MTF2: variants seen among roughly 807,000 people sequenced by gnomAD.
MTF2 encodes the protein metal response element binding transcription factor 2, also known as metal-response element-binding transcription factor 2.
A neutral mutation model predicts 79.5 loss-of-function variants in MTF2; 11 were observed. That is an observed-to-expected ratio of 0.14 (90% confidence interval 0.09 to 0.23). The LOEUF (loss-of-function observed/expected upper bound fraction) is 0.23. MTF2 is among the 10% of genes least tolerant of loss of function. The pLI, the probability that MTF2 is intolerant of heterozygous loss-of-function variation, is 1.00. For synonymous variants in MTF2, 208 were observed against 232.8 expected (o/e 0.89, Z 0.97); for missense variants, 486 against 711.2 (o/e 0.68, Z 3.60).
At chr1:93,123,868 G>A (rs1656588269) in intron 9 of MTF2, among the ~76,000 whole-genome samples, 1 of 143,496 alleles carries the variant, frequency 7.0e-6, no homozygotes, top group African/African-American at 2.6e-5. Flanking sequence ...TGCCACACAT[G>A]CATTGCCTCC....
chr1:93,121,376 A>G, intron 9 of MTF2: 1 of 796,054 alleles, frequency 1.3e-6, no homozygotes. Context: ...TTACTAAAGT[A>G]CATATATTAA....
intron 8 of MTF2, chr1:93,119,702 G>T: frequency 8.5e-6 from 2 of 235,112 alleles, no homozygotes; most frequent in Non-Finnish European, 8.1e-6. Flanking sequence ...TACAGTAGAA[G>T]AGAGATAGGT....
chr1:93,108,766 T>A (rs1655910988), intron 1 of MTF2, among the ~76,000 whole-genome samples: 2 of 152,072 alleles, frequency 1.3e-5, no homozygotes, highest in African/African-American at 4.8e-5. Flanking sequence ...TCTTTGGATA[T>A]CTCTAAAATG....
chr1:93,122,843 T>G (rs1656534571), intron 9 of MTF2, among the ~76,000 whole-genome samples: 1 of 152,108 alleles, frequency 6.6e-6, no homozygotes, highest in South Asian at 2.1e-4. Context: ...GATTTTAGGG[T>G]GAGTTTTTAA....
chr1:93,084,156 AT>A (rs1002844336), intron 1 of MTF2, among the ~76,000 whole-genome samples: 2 of 151,908 alleles, frequency 1.3e-5, no homozygotes, highest in Non-Finnish European at 2.9e-5. Context: ...TTTTGAGTCA[AT>A]TTTTTATATA....
In MTF2 at chr1:93,122,649, C is replaced by G. The variant is rs1033527221; in HGVS notation, c.921+1977C>G. On this transcript the variant is annotated intron_variant, in intron 9 of 14. Coordinates refer to ENST00000370298, the MANE Select transcript of MTF2 (RefSeq NM_007358.4). ...TTTGCAAATTATTTCCACTTTTTGA[C>G]CATCAAATTTATTACTAAAACAAGA... Among the ~76,000 whole-genome samples the G allele has an allele frequency of 9.2e-5, 14 of 152,160 alleles. No individual in the cohort carries two copies. In the East Asian group the frequency reaches 2.5e-3, roughly 27 times the overall value.
chr1:93,113,440 CAAAT>C (rs924119852), intron 3 of MTF2, among the ~76,000 whole-genome samples: 5 of 151,840 alleles, frequency 3.3e-5, no homozygotes, highest in African/African-American at 9.7e-5. Context: ...CCAGAACAAA[CAAAT>C]AAATAGCAGA....
intron 8 of MTF2, 130 bp from the exon 9 acceptor site, chr1:93,120,419 G>A (rs1656428672): frequency 1.4e-6 from 1 of 708,262 alleles, no homozygotes; most frequent in African/African-American, 1.9e-5. Context: ...GTGATTTATT[G>A]TATTGTGAAT....
At position 93,110,531 on chromosome 1, in the gene MTF2, T is replaced by C; in HGVS notation, c.205-14T>C. 6.2e-7 allele frequency: 1 copy of C among 1,607,926 alleles called. No homozygotes were observed. Among genetic ancestry groups the C allele is most frequent in the Non-Finnish European group, 8.5e-7 (1 of 1,174,998 alleles). ...TTTTAAGAGATCACCGTTAAGTATT[T>C]CTCTGTATTGCAGATAAACATATTG... is the stretch of plus-strand genomic sequence containing the variant. On this transcript the variant is annotated splice_polypyrimidine_tract_variant and intron_variant, in intron 2 of 14. Transcript: ENST00000370298.
At chr1:93,091,754 A>G (rs946592341) in intron 1 of MTF2, among the ~76,000 whole-genome samples, 5 of 152,248 alleles carry the variant, frequency 3.3e-5, no homozygotes, top group African/African-American at 9.6e-5. Context: ...AATACTGAAT[A>G]CATTGTTCTT....
At chr1:93,093,053 A>G (rs982530089) in intron 1 of MTF2, among the ~76,000 whole-genome samples, 2 of 152,006 alleles carry the variant, frequency 1.3e-5, no homozygotes, top group Admixed American at 6.6e-5. Context: ...GTGGTGGCAC[A>G]TACCTGTAAT....
chr1:93,129,917 A>T (rs943841205), intron 11 of MTF2, among the ~76,000 whole-genome samples: 1 of 152,220 alleles, frequency 6.6e-6, no homozygotes, highest in African/African-American at 2.4e-5. Flanking sequence ...GCCATGTAGG[A>T]TAGCATACTG....
At chr1:93,112,379 A>T in intron 3 of MTF2, among the ~76,000 whole-genome samples, 1 of 65,784 alleles carries the variant, frequency 1.5e-5, no homozygotes, top group East Asian at 7.2e-4. Flanking sequence ...GTTTCTTTTA[A>T]AAATTTTACA....
At chr1:93,098,465 T>G (rs1327157906) in intron 1 of MTF2, among the ~76,000 whole-genome samples, 2 of 152,208 alleles carry the variant, frequency 1.3e-5, no homozygotes, top group East Asian at 3.8e-4. Context: ...CCTGGCATGG[T>G]ACCTGGCATA....
rs1656379293 is a variant in MTF2 at position 93,119,327 on chromosome 1, T to TC, written c.729-5dup. The stretch of plus-strand genomic sequence containing the variant: ...TAAAACTTTTTCTTTTTTTTTTTTT[T>TC]CTTAGATTTTATACGTTTATATGCT... On this transcript the variant is annotated splice_region_variant and splice_polypyrimidine_tract_variant and intron_variant, in intron 7 of 14. Transcript: ENST00000370298. The TC allele has an allele frequency of 6.4e-7, 1 of 1,562,774 alleles. No homozygotes were observed.
chr1:93,090,743 A>G (rs1655042549), intron 1 of MTF2, among the ~76,000 whole-genome samples: 1 of 149,890 alleles, frequency 6.7e-6, no homozygotes, highest in Non-Finnish European at 1.5e-5. Flanking sequence ...GGCTCACTGC[A>G]AGCTCTGCCT....
At chr1:93,100,171 A>G (rs1330736753) in intron 1 of MTF2, among the ~76,000 whole-genome samples, 6 of 152,276 alleles carry the variant, frequency 3.9e-5, no homozygotes, top group Middle Eastern at 3.4e-3. Context: ...AAAAAAACCC[A>G]CTTGCCTCTG....
rs1002263748 is a variant in MTF2 at position 93,137,690 on chromosome 1, G to C, written c.*663G>C. The C allele has an allele frequency of 6.6e-6, 1 of 152,100 alleles. No homozygotes were observed. The highest frequency in any genetic ancestry group is 2.4e-5 in the African/African-American group (1 of 41,390). The allele number at this position is 152,100 out of a possible 1,614,324, so 9.4% of individuals were successfully genotyped here. A position where few individuals can be genotyped will look rare whatever the true frequency, so the allele number is the denominator to read the frequency against. On this transcript the variant is annotated 3_prime_UTR_variant, in exon 15 of 15. Transcript: ENST00000370298. The stretch of plus-strand genomic sequence containing the variant: ...ACAAATTATGGGAATGGGCAGCTTT[G>C]GAGTATATATCCCATAATTCTTTTT...
In MTF2 at chr1:93,133,952, C is replaced by A. The variant is rs267598771; in HGVS notation, c.1291C>A (p.Pro431Thr). 6.3e-7 allele frequency: 1 copy of A among 1,580,868 alleles called. No individual in the cohort carries two copies. Among genetic ancestry groups the A allele is most frequent in the South Asian group, 1.1e-5 (1 of 88,716 alleles). Residue 431 changes from proline (P) to threonine (T), a missense_variant, in exon 13 of 15, where the codon CCT becomes ACT. By Grantham distance (38) the Pro-to-Thr change is conservative. Transcript: ENST00000370298. ...LLDKESISEN[P>T]TLDLPCSIGR... ...GGATAAGGAATCAATTTCAGAGAAT[C>A]CTACTTTGGATTTACCTTGTTCTAT...
Sources: gnomAD v4.1 joint callset for allele counts (sites outside exome capture counted in the v4.1 genomes callset) on GRCh38, gnomAD v4.1.1 for gene constraint, MANE v1.5 for transcripts, NCBI Gene and HGNC (gene_info 2026-07-23, HGNC 2026-07-21) for gene names.